Variants in TBX22 observed in about 807,000 individuals in gnomAD.
TBX22 encodes T-box transcription factor 22, also known as T-box transcription factor TBX22.
In TBX22, 8 loss-of-function variants were observed where a neutral mutation model predicts 30.1. The ratio of observed to expected loss-of-function variants is 0.27; its 90% CI spans 0.16 to 0.48. The LOEUF is 0.48. Among genes scored for constraint, TBX22 ranks in the 20% least tolerant of loss-of-function variants. The probability of loss-of-function intolerance (pLI) is 0.99; values close to 1 mark genes in which losing one functional copy is unlikely to be tolerated. For synonymous variants in TBX22, 173 were observed against 149.1 expected (o/e 1.16, Z -1.17); for missense variants, 463 against 400.5 (o/e 1.16, Z -1.33).
intron 1 of TBX22, among the ~76,000 whole-genome samples, chrX:80,017,283 TG>T (rs1388642363): frequency 2.2e-4 from 11 of 50,136 alleles, no homozygotes; most frequent in East Asian, 1.4e-3. Flanking sequence ...GTTGTTTTTG[TG>T]TGTGTGTGTG....
At position 80,031,096 on chromosome X, in the gene TBX22, T is replaced by G; in HGVS notation, c.1548T>G (p.Ile516Met). ...KCNHVHWYPA[I>M]NHYL Reference sequence around the variant, plus strand: ...ATCATGTTCATTGGTATCCAGCAATTAACCATTACCTTTAGTAAGACAATA... The same window carrying G: ...ATCATGTTCATTGGTATCCAGCAATGAACCATTACCTTTAGTAAGACAATA... The change falls in exon 9 of 9, where the codon ATT becomes ATG. Residue 516 changes from isoleucine to methionine, a missense_variant. Coordinates refer to ENST00000373296, the MANE Select transcript of TBX22 (RefSeq NM_001109878.2). The G allele has an allele frequency of 1.7e-6, 2 of 1,208,643 alleles. No individual in the cohort carries two copies. The highest frequency in any genetic ancestry group is 2.2e-6 in the Non-Finnish European group (2 of 893,220).
chrX:80,022,403 A>G lies in TBX22; in HGVS notation c.134A>G (p.Glu45Gly), dbSNP rs1445755500. 8.3e-7 allele frequency: 1 copy of G among 1,202,762 alleles called. No individual in the cohort carries two copies. Among genetic ancestry groups the G allele is most frequent in the Non-Finnish European group, 1.1e-6 (1 of 890,865 alleles). ...GAGAAAAAGGGCGGAGAGGAAGAGG[A>G]GGAGAGAAGGAGCAGCGCTGCAGGG... ...LREKKGGEEE[E>G]ERRSSAAGKS... Residue 45 changes from glutamate (E) to glycine (G), a missense_variant, in exon 2 of 9, where the codon GAG (glutamate) becomes GGG (glycine). Coordinates refer to ENST00000373296, the MANE Select transcript of TBX22 (RefSeq NM_001109878.2).
intron 8 of TBX22, among the ~76,000 whole-genome samples, chrX:80,029,028 C>T (rs1482354844): frequency 9.1e-6 from 1 of 110,264 alleles, no homozygotes; most frequent in African/African-American, 3.3e-5. Context: ...TTTAAATATC[C>T]AAGTCAAAAC....
intron 5 of TBX22, 58 bp downstream of exon 5, chrX:80,025,835 G>T (rs1923948101): frequency 1.6e-5 from 17 of 1,087,326 alleles, no homozygotes; most frequent in Non-Finnish European, 2.1e-5. Flanking sequence ...CTGCCCACTG[G>T]TCACCCTGGA....
intron 1 of TBX22, among the ~76,000 whole-genome samples, chrX:80,019,532 AGTCTCTTATAAAG>A (rs1184088770): frequency 9.0e-6 from 1 of 111,559 alleles, no homozygotes; most frequent in Non-Finnish European, 1.9e-5. Context: ...ATTGTTGAAG[AGTCTCTTATAAAG>A]GTTTATGGGT....
chrX:80,026,647 A>C, intron 5 of TBX22, 57 bp from the exon 6 acceptor site: 5 of 1,135,685 alleles, frequency 4.4e-6, no homozygotes, highest in Non-Finnish European at 6.0e-6. Context: ...AGGAGAGGGA[A>C]CTAGGGTTTG....
intron 7 of TBX22, 53 bp downstream of exon 7, chrX:80,027,373 A>ATTT: frequency 3.6e-6 from 2 of 550,118 alleles, no homozygotes; most frequent in Non-Finnish European, 5.7e-6. Context: ...TATTTTCACA[A>ATTT]GTTTTTTTTT....
At chrX:80,026,290 C>T (rs149250448) in intron 5 of TBX22, among the ~76,000 whole-genome samples, 1,985 of 111,643 alleles carry the variant, frequency 0.018, 80 homozygotes, top group Admixed American at 0.12. Context: ...TCTGTCCTCC[C>T]CAGTCTGGCA....
Position 80,022,440 on chromosome X carries a change from G to T in TBX22, c.171G>T (p.Pro57=), listed in dbSNP as rs1923757199. The T allele has an allele frequency of 4.2e-6, 5 of 1,180,823 alleles. No homozygotes were observed. The highest frequency in any genetic ancestry group is 3.5e-5 in the African/African-American group (2 of 56,393). Residue 57 remains proline (P), a synonymous_variant, in exon 2 of 9, where the codon CCG becomes CCT. Coordinates refer to ENST00000373296, the MANE Select transcript of TBX22 (RefSeq NM_001109878.2). ...GCAGCGCTGCAGGGAAGAGCGAGCC[G>T]CTTGGTAAGTACTGCCATTGCCCTG... ...RRSSAAGKSE[P]LEKQPKTEPS...
At chrX:80,029,578 A>C (rs993911344) in intron 8 of TBX22, among the ~76,000 whole-genome samples, 1 of 112,376 alleles carries the variant, frequency 8.9e-6, no homozygotes, top group African/African-American at 3.2e-5. Context: ...TCATTTATAC[A>C]AGACTATTTT....
At chrX:80,016,948 G>A (rs772378764) in intron 1 of TBX22, among the ~76,000 whole-genome samples, 1 of 99,524 alleles carries the variant, frequency 1.0e-5, no homozygotes, top group African/African-American at 3.7e-5. Context: ...AGAGGTTGCA[G>A]TGAGCTGAGA....
Position 80,025,844 on chromosome X carries a change from G to A in TBX22, c.633+67G>A, listed in dbSNP as rs779774947. 13 of 1,033,223 alleles carry A rather than the reference G, an allele frequency of 1.3e-5. No homozygotes were observed. The East Asian group carries it at 3.9e-4, about 31-fold the overall frequency. 85.1% of individuals were successfully genotyped at this position (1,033,223 alleles called of 1,213,427 possible). On this transcript the variant is annotated intron_variant, in intron 5 of 8. Transcript: ENST00000373296. ...AGGCTCCTGCCCACTGGTCACCCTG[G>A]AGAGGCCAGGGAGGCTTTTTGCAGA...
At chrX:80,020,516 G>A (rs1304206198) in intron 1 of TBX22, among the ~76,000 whole-genome samples, 1 of 112,093 alleles carries the variant, frequency 8.9e-6, no homozygotes, top group African/African-American at 3.2e-5. Flanking sequence ...GTCTAGGATA[G>A]GGACAGTGTC....
chrX:80,024,084 G>C lies in TBX22; in HGVS notation c.378G>C (p.Arg126=). The part of the protein sequence containing the change: ...KAGRRMFPSV[R]VKVKGLDPGK... ...ACAGGCGGATGTTCCCCTCTGTTCG[G>C]GTCAAGGTGAAAGGGTTGGATCCAG... The change falls in exon 4 of 9, where the codon CGG becomes CGC. Residue 126 remains arginine (R), a synonymous_variant. Coordinates refer to ENST00000373296, the MANE Select transcript of TBX22 (RefSeq NM_001109878.2). 1 of 1,211,051 alleles carries C rather than the reference G, an allele frequency of 8.3e-7. No homozygotes were observed. The highest frequency in any genetic ancestry group is 1.1e-6 in the Non-Finnish European group (1 of 895,162).
At chrX:80,022,613 G>A in intron 2 of TBX22, 169 bp downstream of exon 2, 1 of 512,039 alleles carries the variant, frequency 2.0e-6, no homozygotes, top group Non-Finnish European at 3.4e-6. Flanking sequence ...CCGGAGTACA[G>A]CAGTTTCTTT....
At chrX:80,019,227 G>A (rs1369542632) in intron 1 of TBX22, among the ~76,000 whole-genome samples, 1 of 110,498 alleles carries the variant, frequency 9.0e-6, no homozygotes, top group African/African-American at 3.3e-5. Flanking sequence ...ATGTTGTGGG[G>A]AAGCTGATTA....
At chrX:80,017,054 A>C (rs375042293) in intron 1 of TBX22, among the ~76,000 whole-genome samples, 12 of 107,688 alleles carry the variant, frequency 1.1e-4, no homozygotes, top group Admixed American at 4.0e-4. Flanking sequence ...AAAAGGAAAG[A>C]GGAAAGATGG....
chrX:80,025,889 A>G (rs1272361737), intron 5 of TBX22, 112 bp downstream of exon 5: 15 of 682,153 alleles, frequency 2.2e-5, no homozygotes, highest in Non-Finnish European at 2.9e-5. Context: ...TGTGTTTTTT[A>G]GGAACTGTTC....
Position 80,022,257 on chromosome X carries a change from A to AC in TBX22, c.-2-6dup, listed in dbSNP as rs766263474. 5.0e-6 allele frequency: 6 copies of AC among 1,200,370 alleles called. No homozygotes were observed. Among genetic ancestry groups the AC allele is most frequent in the Non-Finnish European group, 6.7e-6 (6 of 891,632 alleles). On this transcript the variant is annotated splice_polypyrimidine_tract_variant and intron_variant, in intron 1 of 8. Transcript: ENST00000373296. The stretch of plus-strand genomic sequence containing the variant: ...AAACTTTGCTGCAAAGAATCCCTTC[A>AC]CCCCCTCCAGGGATGGCTCTGAGCT...
Sources: gnomAD v4.1 joint callset for allele counts (sites outside exome capture counted in the v4.1 genomes callset) on GRCh38, gnomAD v4.1.1 for gene constraint, MANE v1.5 for transcripts, NCBI Gene and HGNC (gene_info 2026-07-23, HGNC 2026-07-21) for gene names.